FCRL3: variants seen among roughly 807,000 people sequenced by gnomAD.
FCRL3 encodes the protein Fc receptor-like protein 3.
FCRL3 carries 89 observed loss-of-function variants against 75.0 expected under a neutral mutation model. The ratio of observed to expected loss-of-function variants is 1.19; its 90% CI spans 1.00 to 1.42. The LOEUF (loss-of-function observed/expected upper bound fraction) is 1.42. Among genes scored for constraint, FCRL3 ranks in the 40% most tolerant of loss-of-function variants. The probability of loss-of-function intolerance (pLI) is 0.00; values close to 1 mark genes in which losing one functional copy is unlikely to be tolerated. For missense variants in FCRL3, 946 were observed against 880.0 expected (o/e 1.07, Z -0.95); for synonymous variants, 376 against 348.5 (o/e 1.08, Z -0.88).
chr1:157,676,774 A>C lies in FCRL3; in HGVS notation c.*1936T>G. On this transcript the variant is annotated 3_prime_UTR_variant, in exon 15 of 15. Coordinates refer to ENST00000368184, the MANE Select transcript of FCRL3 (RefSeq NM_052939.4). ...TTCTTTCTTGGGTTCAGAATCTAGA[A>C]AATGGATAAACAATGATAAGAGATG... is the stretch of plus-strand genomic sequence containing the variant. 1.3e-6 allele frequency: 2 copies of C among 1,550,364 alleles called. No individual in the cohort carries two copies. The highest frequency in any genetic ancestry group is 1.7e-6 in the Non-Finnish European group (2 of 1,146,852).
intron 10 of FCRL3, among the ~76,000 whole-genome samples, chr1:157,687,076 TAAAC>T (rs1399139424): frequency 6.6e-6 from 1 of 151,664 alleles, no homozygotes; most frequent in Non-Finnish European, 1.5e-5. Context: ...GTAAGGAACT[TAAAC>T]AAATCAACAA....
chr1:157,681,539 A>G (rs1654850817), intron 11 of FCRL3, among the ~76,000 whole-genome samples: 2 of 151,928 alleles, frequency 1.3e-5, no homozygotes, highest in Non-Finnish European at 2.9e-5. Flanking sequence ...GATGGTTTCC[A>G]GTTTCATCCA....
Position 157,677,494 on chromosome 1 carries a change from A to G in FCRL3, c.*1216T>C. On this transcript the variant is annotated 3_prime_UTR_variant, in exon 15 of 15. Transcript: ENST00000368184. ...TTGAGGTGTTCAGAGATATTTGGAAACATCAGGATTTCAGAATGGAGGTGA... is the reference window on the plus strand; with the variant it reads ...TTGAGGTGTTCAGAGATATTTGGAAGCATCAGGATTTCAGAATGGAGGTGA... The G allele has an allele frequency of 1.0e-6, 1 of 985,416 alleles. No homozygotes were observed. The highest frequency in any genetic ancestry group is 1.2e-6 in the Non-Finnish European group (1 of 829,914). The allele number at this position is 985,416 out of a possible 1,614,324, so 61.0% of individuals were successfully genotyped here. A position where few individuals can be genotyped will look rare whatever the true frequency, so the allele number is the denominator to read the frequency against.
chr1:157,680,022 G>A (rs567853633), intron 13 of FCRL3, among the ~76,000 whole-genome samples: 50 of 152,190 alleles, frequency 3.3e-4, no homozygotes, highest in Middle Eastern at 3.4e-3. Flanking sequence ...ATTAGAATAT[G>A]GAAAGGGTAG....
chr1:157,678,922 A>T lies in FCRL3; in HGVS notation c.2058+20T>A, dbSNP rs944308291. The T allele has an allele frequency of 6.2e-7, 1 of 1,614,156 alleles. No individual in the cohort carries two copies. Among genetic ancestry groups the T allele is most frequent in the Non-Finnish European group, 8.5e-7 (1 of 1,180,014 alleles). On this transcript the variant is annotated intron_variant, in intron 14 of 14. Transcript: ENST00000368184. ...GAGAGGAAGGCCAGAGAGGAAAGAAAGCCAAGAAATGTGACTCACCTCATG... is the reference window on the plus strand; with the variant it reads ...GAGAGGAAGGCCAGAGAGGAAAGAATGCCAAGAAATGTGACTCACCTCATG...
At chr1:157,688,614 A>T (rs1473268082) in intron 10 of FCRL3, among the ~76,000 whole-genome samples, 2 of 135,934 alleles carry the variant, frequency 1.5e-5, no homozygotes, top group Non-Finnish European at 3.1e-5. Flanking sequence ...AAGAAATGTT[A>T]AAAAAAAAAA....
Position 157,695,537 on chromosome 1 carries a change from C to G in FCRL3, c.1203G>C (p.Glu401Asp). 3 of 1,614,170 alleles carry G rather than the reference C, an allele frequency of 1.9e-6. No homozygotes were observed. Among genetic ancestry groups the G allele is most frequent in the Non-Finnish European group, 2.5e-6 (3 of 1,180,006 alleles). Residue 401 changes from glutamate to aspartate, a missense_variant, in exon 8 of 15, where the codon GAG becomes GAC. Transcript: ENST00000368184. Reference protein sequence around the residue: ...RAHTVVGDLLELHCESLRGSP... With the variant: ...RAHTVVGDLLDLHCESLRGSP... ...AGCCTCTCAGGGACTCACAGTGAAG[C>G]TCCAGCAGGTCCCCCACCACAGTGT...
At position 157,676,674 on chromosome 1, in the gene FCRL3, A is replaced by G; in HGVS notation, c.*2036T>C. ...TATCCGAGATGTACAGTTAGGACTC[A>G]CCCCTTCTTCCACTCACATACTCTG... On this transcript the variant is annotated 3_prime_UTR_variant, in exon 15 of 15. Transcript: ENST00000368184. The G allele has an allele frequency of 6.5e-7, 1 of 1,527,702 alleles. No homozygotes were observed. Among genetic ancestry groups the G allele is most frequent in the Non-Finnish European group, 8.9e-7 (1 of 1,126,394 alleles). The allele number at this position is 1,527,702 out of a possible 1,614,324, so 94.6% of individuals were successfully genotyped here. A position where few individuals can be genotyped will look rare whatever the true frequency, so the allele number is the denominator to read the frequency against.
intron 5 of FCRL3, 66 bp from the exon 6 acceptor site, chr1:157,697,490 G>A (rs1571217896): frequency 1.3e-6 from 2 of 1,492,754 alleles, no homozygotes; most frequent in Non-Finnish European, 1.8e-6. Context: ...AGATGCATTT[G>A]TCATCTCAGC....
At chr1:157,680,898 T>C in intron 12 of FCRL3, 83 bp downstream of exon 12, 1 of 1,447,130 alleles carries the variant, frequency 6.9e-7, no homozygotes, top group Middle Eastern at 1.8e-4. Flanking sequence ...TTTAAATTTG[T>C]GACAGGGCCA....
intron 1 of FCRL3, 32 bp downstream of exon 1, chr1:157,700,630 G>T (rs1377596407): frequency 6.6e-7 from 1 of 1,511,610 alleles, no homozygotes; most frequent in Non-Finnish European, 8.9e-7. Context: ...GTCATATTTT[G>T]CTTTGGGCTC....
Position 157,698,038 on chromosome 1 carries a change from C to T in FCRL3, c.299-119G>A, listed in dbSNP as rs1656070166. 5.9e-6 allele frequency: 7 copies of T among 1,189,088 alleles called. No homozygotes were observed. In the South Asian group the frequency reaches 1.1e-4, roughly 19 times the overall value. The allele number at this position is 1,189,088 out of a possible 1,614,324, so 73.7% of individuals were successfully genotyped here. On this transcript the variant is annotated intron_variant, in intron 4 of 14. Transcript: ENST00000368184. ...CACACCTGCAAATGGCCCCCACCCA[C>T]ATTGCCATGTGGCCCCAAATACCTG...
chr1:157,679,860 A>G (rs1654725618), intron 13 of FCRL3, among the ~76,000 whole-genome samples: 1 of 147,542 alleles, frequency 6.8e-6, no homozygotes, highest in African/African-American at 2.5e-5. Context: ...AAAAAAAAAA[A>G]TGACAGAAAC....
rs767368025 is a variant in FCRL3, at chr1:157,677,239, G to A, written c.*1471C>T. On this transcript the variant is annotated 3_prime_UTR_variant, in exon 15 of 15. Transcript: ENST00000368184. Reference sequence around the variant, plus strand: ...CTTCTGGTGAAACTCAGCTTCCATAGTGATGGAACCTAAGGGTAGCAGAGT... The same window carrying A: ...CTTCTGGTGAAACTCAGCTTCCATAATGATGGAACCTAAGGGTAGCAGAGT... 60 of 1,004,030 alleles carry A rather than the reference G, an allele frequency of 6.0e-5. No homozygotes were observed. Among genetic ancestry groups the A allele is most frequent in the Non-Finnish European group, 7.1e-5 (60 of 840,308 alleles). The allele number at this position is 1,004,030 out of a possible 1,614,324, so 62.2% of individuals were successfully genotyped here.
Position 157,678,829 on chromosome 1 carries a change from T to C in FCRL3, c.2086A>G (p.Lys696Glu). Residue 696 changes from lysine (K) to glutamate (E), a missense_variant, in exon 15 of 15, where the codon AAG becomes GAG. Transcript: ENST00000368184. ...GCAGAGTCGTCTGGGTGTGTCTTCT[T>C]CAGTTCTGAATAGAGGACTGTAAGT... ...EELTVLYSEL[K>E]KTHPDDSAGE... 6.2e-7 allele frequency: 1 copy of C among 1,614,012 alleles called. No individual in the cohort carries two copies. The highest frequency in any genetic ancestry group is 8.5e-7 in the Non-Finnish European group (1 of 1,179,986).
Position 157,687,634 on chromosome 1 carries a change from C to A in FCRL3, c.1810+2164G>T, listed in dbSNP as rs139516863. On this transcript the variant is annotated intron_variant, in intron 10 of 14. Coordinates refer to ENST00000368184, the MANE Select transcript of FCRL3 (RefSeq NM_052939.4). Reference sequence around the variant, plus strand: ...AAAAATGAAATCATGTCTTTTGCAGCAACATAGATTTAACTGGAGGCCATA... The same window carrying A: ...AAAAATGAAATCATGTCTTTTGCAGAAACATAGATTTAACTGGAGGCCATA... Among the ~76,000 whole-genome samples, 207 of 150,582 alleles carry A rather than the reference C, an allele frequency of 1.4e-3. 1 individual carries two copies. The highest frequency in any genetic ancestry group is 2.4e-3 in the Non-Finnish European group (159 of 67,628).
chr1:157,697,350 C>T lies in FCRL3; in HGVS notation c.634G>A (p.Glu212Lys). The T allele has an allele frequency of 6.2e-7, 1 of 1,608,542 alleles. No homozygotes were observed. The highest frequency in any genetic ancestry group is 8.5e-7 in the Non-Finnish European group (1 of 1,177,358). Residue 212 changes from glutamate to lysine, a missense_variant, in exon 6 of 15, where the codon GAG becomes AAG. By Grantham distance (56) the Glu-to-Lys change is moderately conservative (BLOSUM62 1). Transcript: ENST00000368184. ...GGCCTCTGTGGAGAGAGCTGGGTCT[C>T]ACAGGTCAGGGTCATGGGACTCCCC... ...IEGSPMTLTCETQLSPQRPDV... is the reference protein window; with the variant it reads ...IEGSPMTLTCKTQLSPQRPDV...
At chr1:157,693,723 C>T (rs1655706628) in intron 8 of FCRL3, among the ~76,000 whole-genome samples, 1 of 147,414 alleles carries the variant, frequency 6.8e-6, no homozygotes, top group African/African-American at 2.5e-5. Flanking sequence ...TTCCTTCCTT[C>T]CTTTCTCTCT....
intron 13 of FCRL3, among the ~76,000 whole-genome samples, chr1:157,680,055 T>C (rs2101585516): frequency 6.6e-6 from 1 of 152,266 alleles, no homozygotes; most frequent in South Asian, 2.1e-4. Context: ...TGAGTTTCAC[T>C]GTTACCTGAT....
Sources: gnomAD v4.1 joint callset for allele counts (sites outside exome capture counted in the v4.1 genomes callset) on GRCh38, gnomAD v4.1.1 for gene constraint, MANE v1.5 for transcripts, NCBI Gene and HGNC (gene_info 2026-07-23, HGNC 2026-07-21) for gene names.